APBA1: variants seen among roughly 807,000 people sequenced by gnomAD.
APBA1 encodes amyloid beta precursor protein binding family A member 1.
APBA1 carries 55 observed loss-of-function variants against 86.6 expected under a neutral mutation model. The observed-to-expected ratio is 0.64, with a 90% CI of 0.51 to 0.80. The LOEUF is 0.80. APBA1 is among the 30% of genes least tolerant of loss of function. The pLI is 0.00. For synonymous variants in APBA1, 511 were observed against 493.9 expected, an observed-to-expected ratio of 1.03 and a Z score of -0.46; for missense variants, 1,090 against 1,183.0, an observed-to-expected ratio of 0.92 and a Z score of 1.15.
chr9:69,636,987 A>AAAGAAAGAAAGAAAGATAG (rs1564099121), intron 1 of APBA1, among the ~76,000 whole-genome samples: 3 of 96,344 alleles, frequency 3.1e-5, no homozygotes, highest in Non-Finnish European at 7.1e-5. Flanking sequence ...AAGAAAGAAA[A>AAAGAAAGAAAGAAAGATAG]ATGTGATACA....
chr9:69,580,999 C>A (rs1272204821), intron 1 of APBA1, among the ~76,000 whole-genome samples: 2 of 152,116 alleles, frequency 1.3e-5, no homozygotes, highest in African/African-American at 4.8e-5. Flanking sequence ...TATCTTATAT[C>A]ATTTATAGCC....
chr9:69,459,083 C>A (rs1024566231), intron 5 of APBA1, among the ~76,000 whole-genome samples: 2 of 152,158 alleles, frequency 1.3e-5, no homozygotes, highest in East Asian at 3.9e-4. Flanking sequence ...GGATTACAGG[C>A]GCGAGCCACC....
At chr9:69,526,961 G>A (rs61622125) in intron 1 of APBA1, among the ~76,000 whole-genome samples, 2,094 of 152,208 alleles carry the variant, frequency 0.014, 43 homozygotes, top group African/African-American at 0.047. Context: ...ATTGTCCTAA[G>A]CAAAGTAATG....
chr9:69,634,240 C>T (rs1306604657), intron 1 of APBA1, among the ~76,000 whole-genome samples: 3 of 152,174 alleles, frequency 2.0e-5, no homozygotes, highest in Non-Finnish European at 4.4e-5. Flanking sequence ...AGGGAGAACA[C>T]AGTGACTGAA....
At chr9:69,436,988 C>T (rs749420366) in intron 11 of APBA1, among the ~76,000 whole-genome samples, 17 of 152,058 alleles carry the variant, frequency 1.1e-4, no homozygotes, top group African/African-American at 4.1e-4. Context: ...TAGCATGAAG[C>T]GTTGTTGAAT....
intron 2 of APBA1, among the ~76,000 whole-genome samples, chr9:69,489,702 C>G (rs182184121): frequency 0.045 from 6,800 of 152,102 alleles, 534 homozygotes; most frequent in African/African-American, 0.15. Context: ...GACATTTATG[C>G]AGCCAAAAAA....
At chr9:69,540,760 G>A (rs760041333) in intron 1 of APBA1, among the ~76,000 whole-genome samples, 4 of 152,036 alleles carry the variant, frequency 2.6e-5, no homozygotes, top group Non-Finnish European at 5.9e-5. Context: ...TACCGCACCC[G>A]GCTAATTTTA....
chr9:69,550,954 T>C (rs1836775157), intron 1 of APBA1, among the ~76,000 whole-genome samples: 1 of 152,190 alleles, frequency 6.6e-6, no homozygotes, highest in Non-Finnish European at 1.5e-5. Flanking sequence ...GATATATGTA[T>C]AAATATATAA....
intron 1 of APBA1, among the ~76,000 whole-genome samples, chr9:69,642,604 C>T (rs918450505): frequency 1.6e-4 from 24 of 151,456 alleles, no homozygotes; most frequent in African/African-American, 5.6e-4. Flanking sequence ...GATACTTGGT[C>T]AAATATCATT....
rs758145170 is a variant in APBA1 at position 69,516,800 on chromosome 9, G to A, written c.411C>T (p.His137=). ...GCGCGCGGCGGTGCGTGGCCTCGGC[G>A]TGCTCGGCCTCTGCCTGCTCCGTGT... ...EEYTEQAEAE[H]AEATHRRALP... is the part of the protein sequence containing the mutation. The change falls in exon 2 of 13, where the codon CAC becomes CAT. Residue 137 remains histidine, a synonymous_variant. Transcript: ENST00000265381. This position sits in a 1 kb window ranked among gnomAD's most constrained non-coding sequence, Gnocchi z 7.3. 50 of 1,609,114 alleles carry A rather than the reference G, an allele frequency of 3.1e-5. No individual in the cohort carries two copies. Among genetic ancestry groups the A allele is most frequent in the African/African-American group, 4.0e-5 (3 of 74,882 alleles).
rs188775296 is a variant in APBA1 at position 69,617,572 on chromosome 9, C to T, written c.-70+54581G>A. Among the ~76,000 whole-genome samples the T allele has an allele frequency of 3.4e-3, 522 of 152,074 alleles. 4 individuals are homozygous for T. The highest frequency in any genetic ancestry group is 0.012 in the African/African-American group (491 of 41,470). ...CCAGAAATTCAGTTTAATAAATTCACCCCAGATCATGATACAGATTTGCTG... is the reference window on the plus strand; with the variant it reads ...CCAGAAATTCAGTTTAATAAATTCATCCCAGATCATGATACAGATTTGCTG... On this transcript the variant is annotated intron_variant, in intron 1 of 12. Transcript: ENST00000265381.
At position 69,494,774 on chromosome 9, in the gene APBA1, G is replaced by C. The variant is rs185619361; in HGVS notation, c.1201-18631C>G. 5.9e-5 allele frequency among the ~76,000 whole-genome samples: 9 copies of C among 152,242 alleles called. No individual in the cohort carries two copies. The East Asian group carries it at 1.7e-3, about 29-fold the overall frequency. ...CTTTTAATTCCTATTAAGAGATATA[G>C]CTAAGAGCACAAGGAGATTTGCTGT... On this transcript the variant is annotated intron_variant, in intron 2 of 12. Coordinates refer to ENST00000265381, the MANE Select transcript of APBA1 (RefSeq NM_001163.4).
chr9:69,528,226 A>T (rs1564067573), intron 1 of APBA1, among the ~76,000 whole-genome samples: 1 of 152,152 alleles, frequency 6.6e-6, no homozygotes, highest in Non-Finnish European at 1.5e-5. Context: ...TGCAGTCTGT[A>T]TAATTTTTGC....
chr9:69,512,373 C>A (rs1193078482), intron 2 of APBA1, among the ~76,000 whole-genome samples: 1 of 152,108 alleles, frequency 6.6e-6, no homozygotes, highest in East Asian at 1.9e-4. Context: ...GAAAAAAGCA[C>A]TTAAGTTCTG....
At chr9:69,576,114 T>G (rs11139412) in intron 1 of APBA1, among the ~76,000 whole-genome samples, 1 of 152,118 alleles carries the variant, frequency 6.6e-6, no homozygotes, top group Non-Finnish European at 1.5e-5. Context: ...AAAATGCTCA[T>G]CATCACTGGC....
chr9:69,432,638 T>G lies in APBA1; in HGVS notation c.2340A>C (p.Gly780=). Residue 780 remains glycine, a synonymous_variant, in exon 12 of 13, where the codon GGA becomes GGC. Transcript: ENST00000265381. The stretch of plus-strand genomic sequence containing the variant: ...TGATCCGGTGCCCCACACGGACGCC[T>G]CCTCTCTCAGCTATTCCCCCTCGCA... The part of the protein sequence containing the change: ...SLMRGGIAER[G]GVRVGHRIIE... 6.2e-7 allele frequency: 1 copy of G among 1,603,760 alleles called. No individual in the cohort carries two copies.
At chr9:69,570,757 C>A (rs1837102363) in intron 1 of APBA1, among the ~76,000 whole-genome samples, 1 of 152,120 alleles carries the variant, frequency 6.6e-6, no homozygotes, top group Admixed American at 6.5e-5. Flanking sequence ...TCTCTCTCCC[C>A]ATATAACATG....
At chr9:69,506,043 AAAAG>A (rs1227889224) in intron 2 of APBA1, among the ~76,000 whole-genome samples, 3 of 151,704 alleles carry the variant, frequency 2.0e-5, no homozygotes, top group Non-Finnish European at 4.4e-5. Context: ...GAAGAAAAAA[AAAAG>A]AAAAGGAGGA....
At chr9:69,466,302 G>A (rs1366538244) in intron 5 of APBA1, among the ~76,000 whole-genome samples, 1 of 152,150 alleles carries the variant, frequency 6.6e-6, no homozygotes, top group Non-Finnish European at 1.5e-5. Context: ...GGGTTCAGGC[G>A]CATCATATTT....
Sources: gnomAD v4.1 joint callset for allele counts (sites outside exome capture counted in the v4.1 genomes callset) on GRCh38, gnomAD v4.1.1 for gene constraint, Gnocchi (gnomAD v3.1) non-coding constraint, MANE v1.5 for transcripts, NCBI Gene and HGNC (gene_info 2026-07-23, HGNC 2026-07-21) for gene names.